SARNP: variants seen among roughly 807,000 people sequenced by gnomAD.
SARNP encodes the protein SAP domain containing ribonucleoprotein.
Under a neutral mutation model 38.1 loss-of-function variants are expected in SARNP, and 5 were observed. The observed-to-expected ratio is 0.13, with a 90% CI of 0.07 to 0.28. The LOEUF (loss-of-function observed/expected upper bound fraction) is 0.28. SARNP is among the 10% of genes least tolerant of loss of function. The probability of loss-of-function intolerance (pLI) is 1.00; values close to 1 mark genes in which losing one functional copy is unlikely to be tolerated. For synonymous variants in SARNP, 84 were observed against 80.6 expected, an observed-to-expected ratio of 1.04 and a Z score of -0.23; for missense variants, 180 against 243.9, an observed-to-expected ratio of 0.74 and a Z score of 1.75.
intron 9 of SARNP, among the ~76,000 whole-genome samples, chr12:55,768,908 G>GA (rs761243788): frequency 1.8e-4 from 28 of 151,930 alleles, no homozygotes; most frequent in Non-Finnish European, 3.7e-4. Flanking sequence ...ATTTTTAGTA[G>GA]AGATGGGGTT....
At chr12:55,806,276 T>A (rs73334302) in intron 1 of SARNP, among the ~76,000 whole-genome samples, 23,356 of 125,210 alleles carry the variant, frequency 0.19, 4,267 homozygotes, top group African/African-American at 0.54. Context: ...TTAAAAAAAA[T>A]TTTTTTTTTT....
At chr12:55,783,927 A>T (rs1879412589) in intron 9 of SARNP, among the ~76,000 whole-genome samples, 1 of 151,814 alleles carries the variant, frequency 6.6e-6, no homozygotes, top group African/African-American at 2.4e-5. Flanking sequence ...TCCTATCTCT[A>T]AAAAAAAGAA....
At chr12:55,813,497 T>C (rs540595990) in intron 1 of SARNP, among the ~76,000 whole-genome samples, 1 of 150,894 alleles carries the variant, frequency 6.6e-6, no homozygotes, top group Non-Finnish European at 1.5e-5. Context: ...AGAAGCAGTG[T>C]GCAATGATTA....
At chr12:55,793,498 C>G (rs1879733286) in intron 7 of SARNP, 1 of 151,816 alleles carries the variant, frequency 6.6e-6, no homozygotes, top group South Asian at 2.1e-4. Context: ...CCACCACACT[C>G]AAGTCCTGCA....
chr12:55,810,932 C>A (rs1880308925), intron 1 of SARNP, among the ~76,000 whole-genome samples: 1 of 151,868 alleles, frequency 6.6e-6, no homozygotes, highest in Admixed American at 6.6e-5. Context: ...CAAAAATTAG[C>A]CAGACGTGGT....
intron 9 of SARNP, among the ~76,000 whole-genome samples, chr12:55,771,849 G>C (rs1207923969): frequency 6.6e-6 from 1 of 152,156 alleles, no homozygotes; most frequent in Non-Finnish European, 1.5e-5. Context: ...GAAAAGCAGA[G>C]CCTGGGGGCT....
intron 1 of SARNP, among the ~76,000 whole-genome samples, chr12:55,807,055 T>C (rs988551074): frequency 8.5e-5 from 13 of 152,186 alleles, no homozygotes; most frequent in African/African-American, 3.1e-4. Flanking sequence ...AACCTCCAGC[T>C]GGGACTACAG....
chr12:55,780,279 C>A (rs1879303057), intron 9 of SARNP, among the ~76,000 whole-genome samples: 1 of 152,056 alleles, frequency 6.6e-6, no homozygotes, highest in Admixed American at 6.6e-5. Context: ...GGTGGAACCC[C>A]ATCTCTATTA....
chr12:55,769,052 G>A (rs1252145615), intron 9 of SARNP, among the ~76,000 whole-genome samples: 4 of 152,102 alleles, frequency 2.6e-5, no homozygotes, highest in Admixed American at 6.5e-5. Context: ...TGAAAATCTG[G>A]GCTGCTAGGC....
At chr12:55,775,255 A>G (rs1879142343) in intron 9 of SARNP, among the ~76,000 whole-genome samples, 1 of 150,370 alleles carries the variant, frequency 6.7e-6, no homozygotes, top group African/African-American at 2.4e-5. Flanking sequence ...AAAAAAAAAA[A>G]AAAAGAACAT....
intron 9 of SARNP, among the ~76,000 whole-genome samples, chr12:55,787,075 T>C (rs1229465301): frequency 6.7e-6 from 1 of 150,212 alleles, no homozygotes; most frequent in Non-Finnish European, 1.5e-5. Flanking sequence ...AAAAAAAAAA[T>C]TCAAAAACTG....
At chr12:55,782,229 T>G (rs572541452) in intron 9 of SARNP, among the ~76,000 whole-genome samples, 1 of 152,328 alleles carries the variant, frequency 6.6e-6, no homozygotes, top group Non-Finnish European at 1.5e-5. Flanking sequence ...TATAAAATGC[T>G]TGTACCTTCT....
chr12:55,813,973 T>A (rs1028625761), intron 1 of SARNP, among the ~76,000 whole-genome samples: 1 of 152,212 alleles, frequency 6.6e-6, no homozygotes, highest in Non-Finnish European at 1.5e-5. Context: ...AGGGTTATTA[T>A]GAGAATTAAA....
At chr12:55,774,614 GGCATGCACCTGT>G (rs1221924009) in intron 9 of SARNP, among the ~76,000 whole-genome samples, 1 of 147,806 alleles carries the variant, frequency 6.8e-6, no homozygotes, top group East Asian at 2.0e-4. Flanking sequence ...CAGGTGTGGC[GGCATGCACCTGT>G]AATCCCAGCT....
intron 10 of SARNP, 137 bp downstream of exon 10, chr12:55,760,414 G>C: frequency 1.7e-6 from 1 of 604,058 alleles, no homozygotes; most frequent in South Asian, 2.2e-5. Flanking sequence ...CACTTCCTGG[G>C]CAACAGAGAC....
intron 1 of SARNP, among the ~76,000 whole-genome samples, chr12:55,814,792 C>G (rs1242276679): frequency 6.6e-6 from 1 of 151,886 alleles, no homozygotes; most frequent in African/African-American, 2.4e-5. Context: ...TTGCTTGAAC[C>G]TGGAAGGCGG....
At chr12:55,804,687 G>C (rs1880084634) in intron 1 of SARNP, among the ~76,000 whole-genome samples, 1 of 152,056 alleles carries the variant, frequency 6.6e-6, no homozygotes, top group Admixed American at 6.6e-5. Context: ...GGCCTTACTG[G>C]GCTCTATACT....
At chr12:55,803,591 C>A in intron 2 of SARNP, 38 bp downstream of exon 2, 2 of 1,278,580 alleles carry the variant, frequency 1.6e-6, no homozygotes, top group South Asian at 1.4e-5. Context: ...CCTGAAAATC[C>A]CCTCACTCAC....
chr12:55,773,669 AG>A (rs1384836132), intron 9 of SARNP, among the ~76,000 whole-genome samples: 3 of 152,208 alleles, frequency 2.0e-5, no homozygotes, highest in Non-Finnish European at 4.4e-5. Flanking sequence ...ACAAAGGAAA[AG>A]GAGTAATATC....
Sources: allele counts gnomAD v4.1 joint callset (sites outside exome capture counted in the v4.1 genomes callset), GRCh38; gene constraint gnomAD v4.1.1; transcripts MANE v1.5; gene names NCBI Gene and HGNC (gene_info 2026-07-23, HGNC 2026-07-21).